DHODH: variants seen among roughly 807,000 people sequenced by gnomAD.
DHODH encodes the protein dihydroorotate dehydrogenase (quinone), mitochondrial.
A neutral mutation model predicts 39.7 loss-of-function variants in DHODH; 30 were observed. The observed-to-expected ratio is 0.76, with a 90% CI of 0.57 to 1.02. The LOEUF (loss-of-function observed/expected upper bound fraction) is 1.02, where lower values mean the gene tolerates loss of function less well. Ranked by LOEUF, DHODH falls within the 50% of genes least tolerant of loss-of-function variation. The pLI is 0.00. For synonymous variants in DHODH, 222 were observed against 213.8 expected, an observed-to-expected ratio of 1.04 and a Z score of -0.34; for missense variants, 531 against 520.8, an observed-to-expected ratio of 1.02 and a Z score of -0.19.
chr16:72,024,331 C>A lies in DHODH; in HGVS notation c.*132C>A. Reference sequence around the variant, plus strand: ...AGCCATGGCATGGCTGCACTGTAAACGCCAATCGGGGGGTCACCAGGATCA... The same window carrying A: ...AGCCATGGCATGGCTGCACTGTAAAAGCCAATCGGGGGGTCACCAGGATCA... On this transcript the variant is annotated 3_prime_UTR_variant, in exon 9 of 9. Transcript: ENST00000219240. 1.0e-6 allele frequency: 1 copy of A among 962,340 alleles called. No homozygotes were observed. Among genetic ancestry groups the A allele is most frequent in the South Asian group, 1.4e-5 (1 of 73,962 alleles). 59.6% of individuals were successfully genotyped at this position (962,340 alleles called of 1,614,324 possible).
intron 4 of DHODH, among the ~76,000 whole-genome samples, chr16:72,018,491 T>C (rs1004220749): frequency 2.6e-5 from 4 of 152,198 alleles, no homozygotes; most frequent in Non-Finnish European, 5.9e-5. Flanking sequence ...TCACAGGACT[T>C]GCATGGTTTG....
chr16:72,014,235 G>A (rs938162053), intron 2 of DHODH, among the ~76,000 whole-genome samples: 10 of 152,148 alleles, frequency 6.6e-5, no homozygotes, highest in African/African-American at 9.7e-5. Context: ...TAATAATAAA[G>A]CCCCGTGGTT....
At position 72,024,358 on chromosome 16, in the gene DHODH, C is replaced by T. The variant is rs184113210; in HGVS notation, c.*159C>T. 40 of 752,850 alleles carry T rather than the reference C, an allele frequency of 5.3e-5. No homozygotes were observed. In the African/African-American group the frequency reaches 6.0e-4, roughly 11 times the overall value. The allele number at this position is 752,850 out of a possible 1,614,324, so 46.6% of individuals were successfully genotyped here. ...CCAATCGGGGGGTCACCAGGATCAA[C>T]CGCAGGCTTTCTTCAGTCCCTTGGT... On this transcript the variant is annotated 3_prime_UTR_variant, in exon 9 of 9. Coordinates refer to ENST00000219240, the MANE Select transcript of DHODH (RefSeq NM_001361.5).
Position 72,012,024 on chromosome 16 carries a change from C to T in DHODH, c.22-26C>T, listed in dbSNP as rs777119863. On this transcript the variant is annotated intron_variant, in intron 1 of 8. Coordinates refer to ENST00000219240, the MANE Select transcript of DHODH (RefSeq NM_001361.5). ...GGGTGCTGCAGCCTGGCCTGGGGGA[C>T]CCCCCTAATATGCTCTTTTTTGCAG... 12 of 1,607,060 alleles carry T rather than the reference C, an allele frequency of 7.5e-6. 1 individual carries two copies. The South Asian group carries it at 1.2e-4, about 16-fold the overall frequency.
At chr16:72,012,283 A>G (rs200812275) in intron 2 of DHODH, 21 bp downstream of exon 2, 3 of 1,607,562 alleles carry the variant, frequency 1.9e-6, no homozygotes, top group African/African-American at 2.7e-5. Context: ...CAGACACCCT[A>G]TACATTAAAT....
chr16:72,014,918 C>T (rs894806988), intron 3 of DHODH, among the ~76,000 whole-genome samples: 4 of 152,168 alleles, frequency 2.6e-5, no homozygotes, highest in African/African-American at 9.7e-5. Context: ...AACTCCGCTT[C>T]GGTCACGGAG....
In DHODH at chr16:72,017,911, T is replaced by C. The variant is rs556086480; in HGVS notation, c.517+805T>C. ...CTCAGCCTCCCGAGTAGCTGGGACT[T>C]CAGGCACCCGCCGCCACACCCAGCT... On this transcript the variant is annotated intron_variant, in intron 4 of 8. Coordinates refer to ENST00000219240, the MANE Select transcript of DHODH (RefSeq NM_001361.5). 1.3e-3 allele frequency among the ~76,000 whole-genome samples: 192 copies of C among 151,982 alleles called. 1 individual carries two copies. Among genetic ancestry groups the C allele is most frequent in the Non-Finnish European group, 2.3e-3 (157 of 67,918 alleles).
Position 72,023,205 on chromosome 16 carries a change from G to T in DHODH, c.860G>T (p.Ser287Ile). The change falls in exon 7 of 9, where the codon AGT (serine) becomes ATT (isoleucine). Residue 287 changes from serine to isoleucine, a missense_variant. Ser to Ile is a moderately radical substitution (Grantham distance 142, BLOSUM62 -2). Transcript: ENST00000219240. Reference sequence around the variant, plus strand: ...CTGATTGTTACGAACACCACCGTGAGTCGCCCTGCGGGCCTCCAGGGTGCC... The same window carrying T: ...CTGATTGTTACGAACACCACCGTGATTCGCCCTGCGGGCCTCCAGGGTGCC... Reference protein sequence around the residue: ...DGLIVTNTTVSRPAGLQGALR... With the variant: ...DGLIVTNTTVIRPAGLQGALR... The T allele has an allele frequency of 6.2e-7, 1 of 1,614,210 alleles. No individual in the cohort carries two copies. Among genetic ancestry groups the T allele is most frequent in the Non-Finnish European group, 8.5e-7 (1 of 1,180,050 alleles).
rs1267805083 is a variant in DHODH, at chr16:72,025,827, C to T, written c.*1628C>T. On this transcript the variant is annotated 3_prime_UTR_variant, in exon 9 of 9. Transcript: ENST00000219240. ...GCAGCTCATGTCCACTGAACACTGA[C>T]TGTGGGCTGGATGCTGTGCCAAGGG... is the stretch of plus-strand genomic sequence containing the variant. The T allele has an allele frequency of 6.6e-6, 1 of 152,320 alleles. No individual in the cohort carries two copies. Among genetic ancestry groups the T allele is most frequent in the Non-Finnish European group, 1.5e-5 (1 of 68,106 alleles). The allele number at this position is 152,320 out of a possible 1,614,324, so 9.4% of individuals were successfully genotyped here. A position where few individuals can be genotyped will look rare whatever the true frequency, so the allele number is the denominator to read the frequency against.
chr16:72,012,832 T>C (rs1050896396), intron 2 of DHODH, among the ~76,000 whole-genome samples: 3 of 152,182 alleles, frequency 2.0e-5, no homozygotes, highest in African/African-American at 7.2e-5. Flanking sequence ...CAGGAAAGCC[T>C]CTAGGGCAGG....
At chr16:72,009,474 C>T (rs1231030333) in intron 1 of DHODH, among the ~76,000 whole-genome samples, 1 of 121,334 alleles carries the variant, frequency 8.2e-6, no homozygotes, top group Non-Finnish European at 1.6e-5. Context: ...CTGCAGTCCG[C>T]AGTCCGGCCT....
intron 1 of DHODH, among the ~76,000 whole-genome samples, chr16:72,011,599 T>C (rs1597393077): frequency 6.6e-6 from 1 of 152,290 alleles, no homozygotes; most frequent in South Asian, 2.1e-4. Context: ...TGGTAAAATA[T>C]AGTTTGGCTT....
intron 1 of DHODH, chr16:72,009,150 A>G (rs966485288): frequency 3.0e-5 from 34 of 1,129,690 alleles, no homozygotes; most frequent in Non-Finnish European, 3.7e-5. Context: ...CCTTTTAGGT[A>G]AAGTTTTGTT....
At chr16:72,013,745 C>G (rs1431526715) in intron 2 of DHODH, 1 of 152,812 alleles carries the variant, frequency 6.5e-6, no homozygotes, top group Non-Finnish European at 1.5e-5. Flanking sequence ...AAGGCCCCTA[C>G]ACATCTTGCC....
Position 72,022,466 on chromosome 16 carries a change from G to A in DHODH, c.810G>A (p.Val270=), listed in dbSNP as rs1221039356. The part of the protein sequence containing the change: ...TSQDKEDIAS[V]VKELGIDGLI... ...AGGATAAGGAGGACATTGCCAGTGTGGTCAAAGAGGTTTGAGTCGGGGCCT... is the reference window on the plus strand; with the variant it reads ...AGGATAAGGAGGACATTGCCAGTGTAGTCAAAGAGGTTTGAGTCGGGGCCT... Residue 270 remains valine (V), a synonymous_variant, in exon 6 of 9, where the codon GTG becomes GTA. Coordinates refer to ENST00000219240, the MANE Select transcript of DHODH (RefSeq NM_001361.5). 1 of 1,552,434 alleles carries A rather than the reference G, an allele frequency of 6.4e-7. No individual in the cohort carries two copies. The highest frequency in any genetic ancestry group is 2.4e-5 in the East Asian group (1 of 41,114).
rs768667589 is a variant in DHODH at position 72,024,177 on chromosome 16, T to C, written c.1166T>C (p.Ile389Thr). Residue 389 changes from isoleucine to threonine, a missense_variant, in exon 9 of 9, where the codon ATT becomes ACT. Ile to Thr is a moderately conservative substitution (Grantham distance 89). Transcript: ENST00000219240. The part of the protein sequence containing the change: ...EQGFGGVTDA[I>T]GADHRR ...GGCTTTGGCGGAGTCACAGATGCCATTGGAGCAGATCATCGGAGGTGAGGA... is the reference window on the plus strand; with the variant it reads ...GGCTTTGGCGGAGTCACAGATGCCACTGGAGCAGATCATCGGAGGTGAGGA... 18 of 1,614,060 alleles carry C rather than the reference T, an allele frequency of 1.1e-5. No individual in the cohort carries two copies. Among genetic ancestry groups the C allele is most frequent in the South Asian group, 2.2e-5 (2 of 91,090 alleles).
rs1369626238 is a variant in DHODH at position 72,020,353 on chromosome 16, ATGTGTATATATATATATATTT to A, written c.518-769_518-749del. The stretch of plus-strand genomic sequence containing the variant: ...TGTATATATATATATATATATATAT[ATGTGTATATATATATATATTT>A]TTTTTTTTTTTCTTTTTTTTGAGAC... On this transcript the variant is annotated intron_variant, in intron 4 of 8. Coordinates refer to ENST00000219240, the MANE Select transcript of DHODH (RefSeq NM_001361.5). The A allele has an allele frequency of 7.5e-4, 82 of 109,430 alleles. No individual in the cohort carries two copies. In the East Asian group the frequency reaches 0.018, roughly 24 times the overall value. The allele number at this position is 109,430 out of a possible 1,614,324, so 6.8% of individuals were successfully genotyped here.
rs1008176455 is a variant in DHODH, at chr16:72,024,457, A to G, written c.*258A>G. ...TCCATCAGTCTTGCAAGGACATTGA[A>G]TATTAGGAGGAAAAAGTCATGGAAA... On this transcript the variant is annotated 3_prime_UTR_variant, in exon 9 of 9. Coordinates refer to ENST00000219240, the MANE Select transcript of DHODH (RefSeq NM_001361.5). 4 of 536,540 alleles carry G rather than the reference A, an allele frequency of 7.5e-6. No individual in the cohort carries two copies. In the African/African-American group the frequency reaches 7.6e-5, roughly 10 times the overall value. 33.2% of individuals were successfully genotyped at this position (536,540 alleles called of 1,614,324 possible).
In DHODH at chr16:72,027,000, TGTG is replaced by T. The variant is rs1567576058; in HGVS notation, c.*2802_*2804del. 72 of 103,742 alleles carry T rather than the reference TGTG, an allele frequency of 6.9e-4. 2 individuals carry two copies. The highest frequency in any genetic ancestry group is 4.8e-3 in the East Asian group (12 of 2,504). The allele number at this position is 103,742 out of a possible 1,614,324, so 6.4% of individuals were successfully genotyped here. On this transcript the variant is annotated 3_prime_UTR_variant, in exon 9 of 9. Coordinates refer to ENST00000219240, the MANE Select transcript of DHODH (RefSeq NM_001361.5). ...GTGTGTGTGTGTGTGTGTGTGTGTG[TGTG>T]TGTGTGTTTTTGAGATGGAGTCCTG...
Sources: gnomAD v4.1 joint callset for allele counts (sites outside exome capture counted in the v4.1 genomes callset) on GRCh38, gnomAD v4.1.1 for gene constraint, MANE v1.5 for transcripts, NCBI Gene and HGNC (gene_info 2026-07-23, HGNC 2026-07-21) for gene names.